Variants in TANC1 observed in about 807,000 individuals in gnomAD.
TANC1 encodes protein TANC1.
In TANC1, 77 loss-of-function variants were observed where a neutral mutation model predicts 149.7. The ratio of observed to expected loss-of-function variants is 0.51; its 90% CI spans 0.43 to 0.62. The LOEUF is 0.62. TANC1 is among the 20% of genes least tolerant of loss of function. The pLI, the probability that TANC1 is intolerant of heterozygous loss-of-function variation, is 0.00. For missense variants in TANC1, 1,985 were observed against 2,321.8 expected (o/e 0.85, Z 2.98); for synonymous variants, 854 against 925.0 (o/e 0.92, Z 1.39).
intron 17 of TANC1, among the ~76,000 whole-genome samples, chr2:159,196,033 C>G (rs973587141): frequency 6.6e-6 from 1 of 152,230 alleles, no homozygotes; most frequent in African/African-American, 2.4e-5. Flanking sequence ...CCTGCCCTGA[C>G]TTTGTGGCCG....
chr2:159,165,188 T>C (rs1421299172), intron 8 of TANC1, among the ~76,000 whole-genome samples: 1 of 152,240 alleles, frequency 6.6e-6, no homozygotes, highest in Non-Finnish European at 1.5e-5. Context: ...TGTTTTCTGC[T>C]CGATGTTCTT....
At chr2:159,120,938 C>G (rs991357912) in intron 4 of TANC1, among the ~76,000 whole-genome samples, 10 of 152,096 alleles carry the variant, frequency 6.6e-5, no homozygotes, top group African/African-American at 1.9e-4. Context: ...TGAGGCCCAC[C>G]TAGATAAGCC....
At chr2:159,052,295 A>G (rs2041535101) in intron 2 of TANC1, among the ~76,000 whole-genome samples, 2 of 152,112 alleles carry the variant, frequency 1.3e-5, no homozygotes, top group South Asian at 2.1e-4. Context: ...GTTTTTGTAG[A>G]TAGTAATTTG....
chr2:159,199,068 A>G lies in TANC1; in HGVS notation c.3244+15A>G. 11 of 1,600,538 alleles carry G rather than the reference A, an allele frequency of 6.9e-6. No individual in the cohort carries two copies. The highest frequency in any genetic ancestry group is 9.4e-6 in the Non-Finnish European group (11 of 1,167,670). ...GGGAGAAACAGGTAATTATAATGCC[A>G]CTGCTTGTAGTCTGGGGCAGCTTGC... On this transcript the variant is annotated intron_variant, in intron 19 of 26. Transcript: ENST00000263635.
intron 1 of TANC1, among the ~76,000 whole-genome samples, chr2:158,989,100 C>T (rs1030704455): frequency 6.6e-6 from 1 of 152,128 alleles, no homozygotes; most frequent in African/African-American, 2.4e-5. Context: ...CTCACTATTG[C>T]AGCTGCTGAG....
intron 22 of TANC1, among the ~76,000 whole-genome samples, chr2:159,224,027 G>C (rs1243792546): frequency 1.3e-5 from 2 of 152,212 alleles, no homozygotes; most frequent in African/African-American, 4.8e-5. Flanking sequence ...ATCCCTGACA[G>C]CAAAATCTCT....
chr2:159,203,023 G>A (rs1306506377), intron 19 of TANC1, among the ~76,000 whole-genome samples: 1 of 151,980 alleles, frequency 6.6e-6, no homozygotes, highest in African/African-American at 2.4e-5. Flanking sequence ...CCTGCTTGTG[G>A]GCTTCTGGTT....
intron 1 of TANC1, among the ~76,000 whole-genome samples, chr2:158,985,570 T>G (rs1192989607): frequency 6.6e-6 from 1 of 152,208 alleles, no homozygotes; most frequent in East Asian, 1.9e-4. Flanking sequence ...TTACTTCAGG[T>G]TACTTTCCTT....
At chr2:158,978,378 T>G (rs919707155) in intron 1 of TANC1, among the ~76,000 whole-genome samples, 1 of 152,194 alleles carries the variant, frequency 6.6e-6, no homozygotes, top group African/African-American at 2.4e-5. Context: ...TGGAAAATTT[T>G]TATTTCCTGG....
intron 22 of TANC1, among the ~76,000 whole-genome samples, chr2:159,222,436 A>AG (rs929686520): frequency 2.0e-5 from 3 of 151,886 alleles, no homozygotes; most frequent in African/African-American, 7.2e-5. Context: ...CTACTTTGTG[A>AG]GTTTTTTTAC....
chr2:159,185,920 G>A (rs2056928982), intron 15 of TANC1, 21 bp downstream of exon 15: 2 of 1,534,596 alleles, frequency 1.3e-6, no homozygotes, highest in Non-Finnish European at 1.8e-6. Context: ...CACCAACTTG[G>A]GGAAGGGTTT....
At chr2:159,025,189 T>TTTTCTTTTTCTTTC (rs1553519915) in intron 2 of TANC1, among the ~76,000 whole-genome samples, 14 of 105,286 alleles carry the variant, frequency 1.3e-4, no homozygotes, top group African/African-American at 5.1e-4. Flanking sequence ...TTTTTCTTTC[T>TTTTCTTTTTCTTTC]TTTCTTTCTT....
At chr2:159,066,161 A>G (rs563431390) in intron 3 of TANC1, among the ~76,000 whole-genome samples, 190 bp downstream of exon 3, 25 of 152,342 alleles carry the variant, frequency 1.6e-4, no homozygotes, top group African/African-American at 5.8e-4. Flanking sequence ...TAATCCCAGC[A>G]TTTTGAGAGG....
chr2:159,003,886 G>A (rs1476912354), intron 2 of TANC1: 96 of 1,612,768 alleles, frequency 6.0e-5, no homozygotes, highest in South Asian at 4.4e-4. Flanking sequence ...CTCAGGTCCA[G>A]ATAGGGGGCA....
intron 3 of TANC1, 82 bp downstream of exon 3, chr2:159,066,053 CT>C: frequency 8.9e-7 from 1 of 1,120,214 alleles, no homozygotes; most frequent in South Asian, 1.2e-5. Context: ...GGATTTGTTG[CT>C]TTGGGAGTGG....
At chr2:159,137,640 A>G (rs1345623465) in intron 5 of TANC1, among the ~76,000 whole-genome samples, 3 of 152,332 alleles carry the variant, frequency 2.0e-5, no homozygotes, top group East Asian at 3.9e-4. Flanking sequence ...GTGGGCAGGC[A>G]GTCTGTTCTC....
chr2:158,970,014 AC>A (rs1268128585), intron 1 of TANC1, among the ~76,000 whole-genome samples: 1 of 152,150 alleles, frequency 6.6e-6, no homozygotes, highest in Non-Finnish European at 1.5e-5. Flanking sequence ...CGTGGGTTGG[AC>A]CGCAAACTCT....
At chr2:159,081,081 C>T (rs1250595544) in intron 3 of TANC1, among the ~76,000 whole-genome samples, 2 of 152,202 alleles carry the variant, frequency 1.3e-5, no homozygotes, top group Admixed American at 1.3e-4. Context: ...GAGCCAGCAG[C>T]TAGTCCATAG....
At chr2:159,040,375 C>T (rs556677759) in intron 2 of TANC1, among the ~76,000 whole-genome samples, 44 of 152,276 alleles carry the variant, frequency 2.9e-4, no homozygotes, top group African/African-American at 1.1e-3. Context: ...GTTACATTGT[C>T]CCCATCACTT....
Sources: allele counts gnomAD v4.1 joint callset (sites outside exome capture counted in the v4.1 genomes callset), GRCh38; gene constraint gnomAD v4.1.1; transcripts MANE v1.5; gene names NCBI Gene and HGNC (gene_info 2026-07-23, HGNC 2026-07-21).